Variants in NR2C2 observed in about 807,000 individuals in gnomAD.
The protein encoded by NR2C2 is Nuclear hormone receptor TR4.
Under a neutral mutation model 62.9 loss-of-function variants are expected in NR2C2, and 6 were observed. The ratio of observed to expected loss-of-function variants is 0.10; its 90% CI spans 0.05 to 0.19. The LOEUF (loss-of-function observed/expected upper bound fraction) is 0.19. NR2C2 is among the 10% of genes least tolerant of loss of function. The pLI is 1.00. For synonymous variants in NR2C2, 272 were observed against 273.8 expected, an observed-to-expected ratio of 0.99 and a Z score of 0.07; for missense variants, 479 against 762.7, an observed-to-expected ratio of 0.63 and a Z score of 4.38.
chr3:15,010,813 C>G (rs1042253294), intron 2 of NR2C2, among the ~76,000 whole-genome samples: 5 of 152,098 alleles, frequency 3.3e-5, no homozygotes, highest in Admixed American at 2.6e-4. Context: ...CCCAACATAC[C>G]CTGACCTCAT....
chr3:14,949,157 C>T (rs748001048), intron 1 of NR2C2, among the ~76,000 whole-genome samples: 26 of 151,890 alleles, frequency 1.7e-4, no homozygotes, highest in Non-Finnish European at 2.5e-4. Flanking sequence ...TGTACAAGAC[C>T]CCTGCCCTCA....
intron 1 of NR2C2, among the ~76,000 whole-genome samples, chr3:14,958,382 T>C (rs764167691): frequency 6.6e-6 from 1 of 152,068 alleles, no homozygotes; most frequent in Non-Finnish European, 1.5e-5. Context: ...ATACTTCTTT[T>C]GGCAGCTAAT....
At position 15,029,826 on chromosome 3, in the gene NR2C2, T is replaced by TAGATAGATAGATTAA. The variant is rs1553571937; in HGVS notation, c.933-437_933-436insTAAAGATAGATAGAT. 1.3e-4 allele frequency among the ~76,000 whole-genome samples: 16 copies of TAGATAGATAGATTAA among 125,176 alleles called. No individual in the cohort carries two copies. In the South Asian group the frequency reaches 1.6e-3, roughly 13 times the overall value. 82.1% of individuals were successfully genotyped at this position (125,176 alleles called of 152,430 possible). ...ATAGATAGATAGATAGATAGATAGA[T>TAGATAGATAGATTAA]AGATAGATAGATAGATATAGATAGA... On this transcript the variant is annotated intron_variant, in intron 8 of 13. Transcript: ENST00000425241.
chr3:14,972,610 T>C (rs138222259), intron 1 of NR2C2, among the ~76,000 whole-genome samples: 3 of 152,342 alleles, frequency 2.0e-5, no homozygotes, highest in African/African-American at 7.2e-5. Context: ...ATTCTGGATA[T>C]TAAGCCCTTA....
At chr3:15,030,520 C>T (rs549105573) in intron 9 of NR2C2, 68 bp downstream of exon 9, 2 of 1,445,136 alleles carry the variant, frequency 1.4e-6, no homozygotes, top group African/African-American at 1.5e-5. Flanking sequence ...CAAAGCCGAT[C>T]TGCAGTTTTA....
intron 4 of NR2C2, among the ~76,000 whole-genome samples, chr3:15,019,017 A>T (rs1451334026): frequency 5.4e-5 from 4 of 73,934 alleles, no homozygotes; most frequent in African/African-American, 4.9e-4. Context: ...CTCTTGTCTT[A>T]AAAAAAAAAA....
intron 2 of NR2C2, 58 bp downstream of exon 2, chr3:15,004,044 A>G: frequency 1.4e-6 from 2 of 1,430,370 alleles, no homozygotes; most frequent in South Asian, 1.3e-5. Flanking sequence ...TTCCAAAAAC[A>G]AACCTTCCTA....
chr3:14,953,461 G>A (rs1325494064), intron 1 of NR2C2, among the ~76,000 whole-genome samples: 1 of 152,098 alleles, frequency 6.6e-6, no homozygotes, highest in Non-Finnish European at 1.5e-5. Flanking sequence ...ATGAGAGGCT[G>A]GTAGGGCTAG....
chr3:15,037,445 A>G (rs926862423), intron 11 of NR2C2, among the ~76,000 whole-genome samples: 7 of 152,182 alleles, frequency 4.6e-5, no homozygotes, highest in Non-Finnish European at 7.3e-5. Flanking sequence ...ATGAAATAAC[A>G]TATAAAATTG....
At chr3:15,021,705 G>C (rs1463552122) in intron 5 of NR2C2, among the ~76,000 whole-genome samples, 1 of 152,204 alleles carries the variant, frequency 6.6e-6, no homozygotes, top group Admixed American at 6.5e-5. Context: ...AAGGCTGGTG[G>C]CCGAGGACCC....
At position 15,045,261 on chromosome 3, in the gene NR2C2, A is replaced by T. The variant is rs1396096691; in HGVS notation, c.*2253A>T. The T allele has an allele frequency of 6.6e-6, 1 of 152,246 alleles. No individual in the cohort carries two copies. Among genetic ancestry groups the T allele is most frequent in the Non-Finnish European group, 1.5e-5 (1 of 68,034 alleles). 9.4% of individuals were successfully genotyped at this position (152,246 alleles called of 1,614,324 possible). On this transcript the variant is annotated 3_prime_UTR_variant, in exon 14 of 14. Coordinates refer to ENST00000425241, the MANE Select transcript of NR2C2 (RefSeq NM_001291694.2). ...GCAGTTCCCTGGGAATACAAGCATA[A>T]CAGCTTTCAGATCCCAGTTCTTGGT...
chr3:14,989,832 G>A (rs2040616559), intron 1 of NR2C2, among the ~76,000 whole-genome samples: 1 of 149,934 alleles, frequency 6.7e-6, no homozygotes, highest in Admixed American at 6.7e-5. Flanking sequence ...CTCGAGAGGT[G>A]GAGATAAGAG....
intron 13 of NR2C2, among the ~76,000 whole-genome samples, chr3:15,041,092 A>G (rs568432550): frequency 1.3e-5 from 2 of 152,340 alleles, no homozygotes; most frequent in Admixed American, 6.5e-5. Flanking sequence ...TTGGAGCCCA[A>G]AATGATAAGG....
chr3:15,039,568 G>T lies in NR2C2; in HGVS notation c.1616+341G>T, dbSNP rs180729433. On this transcript the variant is annotated intron_variant, in intron 13 of 13. Transcript: ENST00000425241. ...CAGATGCTGTGTGGCCTGTTCTGGG[G>T]CTAACACTGTACATGAGGCTTGAGT... 4.4e-3 allele frequency among the ~76,000 whole-genome samples: 671 copies of T among 152,268 alleles called. 1 individual carries two copies. Among genetic ancestry groups the T allele is most frequent in the African/African-American group, 0.015 (641 of 41,544 alleles).
chr3:14,980,439 A>G lies in NR2C2; in HGVS notation c.-39-23437A>G, dbSNP rs551436269. Among the ~76,000 whole-genome samples the G allele has an allele frequency of 7.2e-5, 11 of 152,280 alleles. No individual in the cohort carries two copies. In the South Asian group the frequency reaches 2.3e-3, roughly 32 times the overall value. ...CGGCCTCCCAAAGTGTTAGGATTAT[A>G]GGTGTGAGCTGTCGTGCCCAGCCTA... is the stretch of plus-strand genomic sequence containing the variant. On this transcript the variant is annotated intron_variant, in intron 1 of 13. Coordinates refer to ENST00000425241, the MANE Select transcript of NR2C2 (RefSeq NM_001291694.2).
In NR2C2 at chr3:15,016,196, G is replaced by A. The variant is rs761289117; in HGVS notation, c.318G>A (p.Thr106=). The part of the protein sequence containing the change: ...SASVERLLGK[T]DVQRPQVVEY... Reference sequence around the variant, plus strand: ...CTGTGGAGCGTTTACTGGGGAAGACGGACGTCCAGCGGCCCCAGGTGGTAG... The same window carrying A: ...CTGTGGAGCGTTTACTGGGGAAGACAGACGTCCAGCGGCCCCAGGTGGTAG... Residue 106 remains threonine (T), a synonymous_variant, in exon 4 of 14, where the codon ACG becomes ACA. Transcript: ENST00000425241. 1.1e-5 allele frequency: 17 copies of A among 1,614,060 alleles called. No homozygotes were observed. Among genetic ancestry groups the A allele is most frequent in the Admixed American group, 3.3e-5 (2 of 60,000 alleles).
At chr3:14,952,441 A>T (rs1322978903) in intron 1 of NR2C2, among the ~76,000 whole-genome samples, 1 of 152,180 alleles carries the variant, frequency 6.6e-6, no homozygotes, top group Non-Finnish European at 1.5e-5. Flanking sequence ...CATCTCCTGT[A>T]CAAGTATCAT....
intron 2 of NR2C2, among the ~76,000 whole-genome samples, chr3:15,010,058 T>TA (rs2041305508): frequency 6.6e-6 from 1 of 152,216 alleles, no homozygotes; most frequent in African/African-American, 2.4e-5. Context: ...CATTAATAGA[T>TA]ACTGGGAATT....
intron 1 of NR2C2, among the ~76,000 whole-genome samples, chr3:14,970,998 A>G (rs1385989913): frequency 6.6e-6 from 1 of 152,250 alleles, no homozygotes; most frequent in African/African-American, 2.4e-5. Flanking sequence ...TCAACAATTT[A>G]TTATAAGCTT....
Sources: gnomAD v4.1 joint callset for allele counts (sites outside exome capture counted in the v4.1 genomes callset) on GRCh38, gnomAD v4.1.1 for gene constraint, MANE v1.5 for transcripts, NCBI Gene and HGNC (gene_info 2026-07-23, HGNC 2026-07-21) for gene names.